Variants in PID1 observed in about 807,000 individuals in gnomAD.
PID1 encodes phosphotyrosine interaction domain containing 1, also known as PTB-containing, cubilin and LRP1-interacting protein.
PID1 carries 10 observed loss-of-function variants against 19.1 expected under a neutral mutation model. That is an observed-to-expected ratio of 0.52 (90% CI 0.32 to 0.89). PID1 has a LOEUF of 0.89. Ranked by LOEUF, PID1 falls within the 40% of genes least tolerant of loss-of-function variation. The pLI, the probability that PID1 is intolerant of heterozygous loss-of-function variation, is 0.03. For synonymous variants in PID1, 130 were observed against 116.0 expected (o/e 1.12, Z -0.78); for missense variants, 248 against 285.3 (o/e 0.87, Z 0.94).
intron 2 of PID1, among the ~76,000 whole-genome samples, chr2:229,027,004 T>C (rs1200836632): frequency 6.6e-6 from 1 of 152,106 alleles, no homozygotes; most frequent in South Asian, 2.1e-4. Flanking sequence ...ACTTAAGAGA[T>C]CATCTAAGAA....
intron 2 of PID1, among the ~76,000 whole-genome samples, chr2:229,142,503 T>C (rs1022586617): frequency 4.6e-5 from 7 of 152,144 alleles, no homozygotes; most frequent in African/African-American, 1.4e-4. Flanking sequence ...TCAACCAAGA[T>C]ATGGCAGTTT....
chr2:229,210,515 AGTTT>A (rs1324196341), intron 1 of PID1, among the ~76,000 whole-genome samples: 2 of 76,846 alleles, frequency 2.6e-5, no homozygotes, highest in African/African-American at 5.4e-5. Context: ...CCCAGGCTGG[AGTTT>A]TGTCTCAAAA....
chr2:229,230,591 T>C lies in PID1; in HGVS notation c.30+40423A>G, dbSNP rs558176211. The stretch of plus-strand genomic sequence containing the variant: ...TATAGGATTTTCAACATTTGTTTCA[T>C]AAGTGTGGACCCTAATGGGATTTAA... On this transcript the variant is annotated intron_variant, in intron 1 of 2. Transcript: ENST00000392055. 3.3e-5 allele frequency among the ~76,000 whole-genome samples: 5 copies of C among 152,354 alleles called. No individual in the cohort carries two copies. The South Asian group carries it at 1.0e-3, about 32-fold the overall frequency.
At chr2:229,136,813 A>T (rs1362331880) in intron 2 of PID1, among the ~76,000 whole-genome samples, 1 of 152,148 alleles carries the variant, frequency 6.6e-6, no homozygotes, top group African/African-American at 2.4e-5. Flanking sequence ...TTAACTTAAA[A>T]CTATTCACAG....
At chr2:229,064,334 A>G (rs2106195647) in intron 2 of PID1, among the ~76,000 whole-genome samples, 1 of 152,160 alleles carries the variant, frequency 6.6e-6, no homozygotes, top group South Asian at 2.1e-4. Context: ...AATAGGCATG[A>G]TCATGGTGGT....
chr2:229,175,377 A>C (rs1248902631), intron 1 of PID1, among the ~76,000 whole-genome samples: 1 of 152,230 alleles, frequency 6.6e-6, no homozygotes, highest in East Asian at 1.9e-4. Context: ...AGAAATTCTT[A>C]AGTGACTGAT....
chr2:229,037,777 G>T (rs1251127209), intron 2 of PID1, among the ~76,000 whole-genome samples: 1 of 152,092 alleles, frequency 6.6e-6, no homozygotes, highest in Non-Finnish European at 1.5e-5. Context: ...CTCTCCCTCT[G>T]CTTTCTAGTC....
chr2:229,158,218 T>C (rs1690420836), intron 1 of PID1, among the ~76,000 whole-genome samples: 1 of 152,218 alleles, frequency 6.6e-6, no homozygotes, highest in Non-Finnish European at 1.5e-5. Context: ...CAAAGATTTA[T>C]TTTAAAACAG....
At position 229,130,915 on chromosome 2, in the gene PID1, G is replaced by A. The variant is rs761856128; in HGVS notation, c.177+24903C>T. ...TGGGCCTCTCTCAGAGCTCCTGGCA[G>A]TTACTGGCCTGTAGCTGTGTAACTC... On this transcript the variant is annotated intron_variant, in intron 2 of 2. Coordinates refer to ENST00000392055, the MANE Select transcript of PID1 (RefSeq NM_001100818.2). Among the ~76,000 whole-genome samples, 26 of 152,194 alleles carry A rather than the reference G, an allele frequency of 1.7e-4. 1 individual carries two copies. The highest frequency in any genetic ancestry group is 1.3e-3 in the Admixed American group (20 of 15,280).
intron 2 of PID1, among the ~76,000 whole-genome samples, chr2:229,042,887 TATTACATTGAA>T (rs1487222517): frequency 6.6e-6 from 1 of 152,150 alleles, no homozygotes; most frequent in Non-Finnish European, 1.5e-5. Flanking sequence ...ATATTAGAGT[TATTACATTGAA>T]AAAAATCCTA....
At chr2:229,127,872 T>G (rs1322020311) in intron 2 of PID1, among the ~76,000 whole-genome samples, 2 of 152,250 alleles carry the variant, frequency 1.3e-5, no homozygotes, top group African/African-American at 4.8e-5. Context: ...CCTATCTGTC[T>G]GTCTGTCTCT....
At chr2:229,107,832 C>A (rs942916637) in intron 2 of PID1, among the ~76,000 whole-genome samples, 1 of 152,188 alleles carries the variant, frequency 6.6e-6, no homozygotes, top group African/African-American at 2.4e-5. Flanking sequence ...AAATGCAGGG[C>A]CCTTGCCAGA....
chr2:229,088,580 C>T (rs1694812567), intron 2 of PID1, among the ~76,000 whole-genome samples: 1 of 152,130 alleles, frequency 6.6e-6, no homozygotes, highest in Admixed American at 6.6e-5. Flanking sequence ...TCTCAACCTT[C>T]AGTCATTAGA....
intron 2 of PID1, among the ~76,000 whole-genome samples, chr2:229,132,163 T>C (rs936376839): frequency 6.6e-6 from 1 of 152,196 alleles, no homozygotes; most frequent in African/African-American, 2.4e-5. Context: ...AAAGGAAGGA[T>C]ACACTTATTA....
chr2:229,033,655 T>C (rs1238214334), intron 2 of PID1, among the ~76,000 whole-genome samples: 2 of 152,166 alleles, frequency 1.3e-5, no homozygotes, highest in Non-Finnish European at 2.9e-5. Flanking sequence ...GTTCTGCACA[T>C]GTATCCCAGA....
chr2:229,144,026 T>C lies in PID1; in HGVS notation c.177+11792A>G, dbSNP rs1690074096. Among the ~76,000 whole-genome samples the C allele has an allele frequency of 2.6e-5, 4 of 152,192 alleles. No homozygotes were observed. The South Asian group carries it at 8.3e-4, about 32-fold the overall frequency. On this transcript the variant is annotated intron_variant, in intron 2 of 2. Transcript: ENST00000392055. ...ATCAAATAGGATCAGGTTCCTGAAA[T>C]GTAACAAGGGATCATAGAAGTCAAT...
At position 229,184,494 on chromosome 2, in the gene PID1, G is replaced by GTA. The variant is rs1255781343; in HGVS notation, c.31-28532_31-28531dup. 1.5e-3 allele frequency among the ~76,000 whole-genome samples: 16 copies of GTA among 10,908 alleles called. 8 individuals carry two copies. The highest frequency in any genetic ancestry group is 7.6e-3 in the Admixed American group (4 of 526). 7.2% of individuals were successfully genotyped at this position (10,908 alleles called of 152,430 possible). A position where few individuals can be genotyped will look rare whatever the true frequency, so the allele number is the denominator to read the frequency against. The stretch of plus-strand genomic sequence containing the variant: ...TATATATCCCGTATATATATATACC[G>GTA]TATATATATATATCCCGTATATATA... On this transcript the variant is annotated intron_variant, in intron 1 of 2. Coordinates refer to ENST00000392055, the MANE Select transcript of PID1 (RefSeq NM_001100818.2).
At chr2:229,093,484 A>G (rs1466905406) in intron 2 of PID1, among the ~76,000 whole-genome samples, 3 of 151,650 alleles carry the variant, frequency 2.0e-5, no homozygotes, top group Non-Finnish European at 4.4e-5. Flanking sequence ...CTGTGTAACA[A>G]AAATGTCTGA....
intron 2 of PID1, among the ~76,000 whole-genome samples, chr2:229,035,106 G>A (rs942113463): frequency 3.9e-5 from 6 of 152,164 alleles, no homozygotes; most frequent in African/African-American, 1.4e-4. Context: ...GGTAGGGCAT[G>A]GTGCCCACTC....
Sources: allele counts gnomAD v4.1 joint callset (sites outside exome capture counted in the v4.1 genomes callset), GRCh38; gene constraint gnomAD v4.1.1; transcripts MANE v1.5; gene names NCBI Gene and HGNC (gene_info 2026-07-23, HGNC 2026-07-21).